Variants in CFH observed in about 807,000 individuals in gnomAD.
The protein encoded by CFH is H factor 1 (complement).
CFH carries 53 observed loss-of-function variants against 147.3 expected under a neutral mutation model. That is an observed-to-expected ratio of 0.36 (90% CI 0.29 to 0.45). CFH has a LOEUF of 0.45. Among genes scored for constraint, CFH ranks in the 20% least tolerant of loss-of-function variants. CFH has a pLI of 1.00. For missense variants in CFH, 1,380 were observed against 1,498.0 expected, an observed-to-expected ratio of 0.92 and a Z score of 1.30; for synonymous variants, 536 against 489.4, an observed-to-expected ratio of 1.10 and a Z score of -1.26.
At chr1:196,652,423 A>G (rs1323835574) in intron 1 of CFH, among the ~76,000 whole-genome samples, 1 of 151,916 alleles carries the variant, frequency 6.6e-6, no homozygotes, top group African/African-American at 2.4e-5. Context: ...AACATTTCTG[A>G]AAAACTATGA....
Position 196,656,122 on chromosome 1 carries a change from G to A in CFH, c.58+3947G>A, listed in dbSNP as rs540915143. Among the ~76,000 whole-genome samples, 12 of 152,164 alleles carry A rather than the reference G, an allele frequency of 7.9e-5. No homozygotes were observed. The South Asian group carries it at 2.5e-3, about 32-fold the overall frequency. The stretch of plus-strand genomic sequence containing the variant: ...AGTTCGAGACCAGCCTGACCAAAAT[G>A]GTGAAACCCCATCTCTACTAAAAAT... On this transcript the variant is annotated intron_variant, in intron 1 of 21. Coordinates refer to ENST00000367429, the MANE Select transcript of CFH (RefSeq NM_000186.4).
chr1:196,671,381 T>G (rs1366140552), intron 1 of CFH, among the ~76,000 whole-genome samples: 1 of 151,758 alleles, frequency 6.6e-6, no homozygotes, highest in African/African-American at 2.4e-5. Flanking sequence ...AACAAAAACA[T>G]GTAATGACAA....
intron 1 of CFH, among the ~76,000 whole-genome samples, chr1:196,664,832 A>G (rs1667026516): frequency 1.3e-5 from 2 of 152,160 alleles, no homozygotes; most frequent in African/African-American, 2.4e-5. Context: ...TAAATATTTC[A>G]CAAAATCTTT....
Position 196,728,422 on chromosome 1 carries a change from C to A in CFH, c.2313C>A (p.Phe771Leu). Residue 771 changes from phenylalanine to leucine, a missense_variant, in exon 15 of 22, where the codon TTC (phenylalanine) becomes TTA (leucine). Phe to Leu is a conservative substitution (Grantham distance 22). Transcript: ENST00000367429. ...LEEHLKNKKE[F>L]DHNSNIRYRC... ...AACATTTAAAAAACAAGAAGGAATTCGATCATAATTCTAACATAAGGTACA... is the reference window on the plus strand; with the variant it reads ...AACATTTAAAAAACAAGAAGGAATTAGATCATAATTCTAACATAAGGTACA... The A allele has an allele frequency of 1.2e-6, 2 of 1,608,310 alleles. No individual in the cohort carries two copies. Among genetic ancestry groups the A allele is most frequent in the Non-Finnish European group, 1.7e-6 (2 of 1,176,230 alleles).
chr1:196,717,247 A>G (rs1668891396), intron 11 of CFH, among the ~76,000 whole-genome samples: 1 of 152,108 alleles, frequency 6.6e-6, no homozygotes, highest in Non-Finnish European at 1.5e-5. Context: ...CAGCAAGTCT[A>G]TTTGAAGCTT....
At chr1:196,692,775 T>C (rs1668095701) in intron 9 of CFH, among the ~76,000 whole-genome samples, 1 of 88,372 alleles carries the variant, frequency 1.1e-5, no homozygotes, top group African/African-American at 4.4e-5. Flanking sequence ...TCTTTCTTTC[T>C]TTCTTTCTTT....
rs570129989 is a variant in CFH at position 196,732,803 on chromosome 1, T to G, written c.2414-4021T>G. Among the ~76,000 whole-genome samples, 251 of 152,208 alleles carry G rather than the reference T, an allele frequency of 1.6e-3. 1 individual carries two copies. Among genetic ancestry groups the G allele is most frequent in the African/African-American group, 5.8e-3 (241 of 41,562 alleles). ...GCTGAAAATATTGAAGACTTGGCTG[T>G]GTATTTACTTACTTCTATTTTCATA... is the stretch of plus-strand genomic sequence containing the variant. On this transcript the variant is annotated intron_variant, in intron 15 of 21. Transcript: ENST00000367429.
At chr1:196,740,572 T>C in intron 17 of CFH, 47 bp from the exon 18 acceptor site, 3 of 1,576,980 alleles carry the variant, frequency 1.9e-6, no homozygotes, top group Non-Finnish European at 2.6e-6. Flanking sequence ...GCATATAAAA[T>C]TAAATTTATG....
rs551313147 is a variant in CFH at position 196,671,587 on chromosome 1, T to TACACACACACAC, written c.59-1363_59-1352dup. On this transcript the variant is annotated intron_variant, in intron 1 of 21. Coordinates refer to ENST00000367429, the MANE Select transcript of CFH (RefSeq NM_000186.4). ...GGTTTCTTCTATCTCAAAAGACTAA[T>TACACACACACAC]ACACACACACACACACACACACACA... Among the ~76,000 whole-genome samples, 662 of 129,506 alleles carry TACACACACACAC rather than the reference T, an allele frequency of 5.1e-3. 5 individuals are homozygous for TACACACACACAC. The highest frequency in any genetic ancestry group is 0.015 in the African/African-American group (549 of 36,100). 85.0% of individuals were successfully genotyped at this position (129,506 alleles called of 152,430 possible).
intron 15 of CFH, among the ~76,000 whole-genome samples, chr1:196,732,547 C>T (rs1451122220): frequency 2.6e-5 from 4 of 151,958 alleles, no homozygotes; most frequent in Non-Finnish European, 5.9e-5. Flanking sequence ...TTCTTTAACT[C>T]ACAGTGTTTC....
At chr1:196,736,065 A>T (rs1669395256) in intron 15 of CFH, among the ~76,000 whole-genome samples, 1 of 152,006 alleles carries the variant, frequency 6.6e-6, no homozygotes, top group Non-Finnish European at 1.5e-5. Flanking sequence ...GACATGCTTC[A>T]TTTTCATATT....
intron 9 of CFH, chr1:196,701,344 A>G: frequency 6.2e-7 from 1 of 1,613,740 alleles, no homozygotes; most frequent in Non-Finnish European, 8.5e-7. Flanking sequence ...TTCTGATCGA[A>G]GGTCATCCCT....
chr1:196,705,156 A>G (rs1668555438), intron 9 of CFH, among the ~76,000 whole-genome samples: 1 of 152,176 alleles, frequency 6.6e-6, no homozygotes, highest in Non-Finnish European at 1.5e-5. Context: ...ATTAGAAGCC[A>G]GCACAACTAT....
intron 11 of CFH, among the ~76,000 whole-genome samples, chr1:196,724,861 G>C (rs1311465647): frequency 2.0e-5 from 3 of 152,186 alleles, no homozygotes; most frequent in African/African-American, 7.2e-5. Flanking sequence ...ATTAAAACTA[G>C]ATTCATTGTA....
intron 9 of CFH, among the ~76,000 whole-genome samples, chr1:196,691,914 C>A (rs895633953): frequency 2.0e-5 from 3 of 151,808 alleles, no homozygotes; most frequent in African/African-American, 7.3e-5. Flanking sequence ...TGATTTTATT[C>A]ATGATAATGG....
intron 9 of CFH, among the ~76,000 whole-genome samples, chr1:196,705,992 C>T (rs1167149355): frequency 2.6e-5 from 4 of 152,004 alleles, no homozygotes; most frequent in Non-Finnish European, 5.9e-5. Context: ...GACCAAAATT[C>T]CCTTTAAAAA....
In CFH at chr1:196,692,901, C is replaced by CCTTCCTT. The variant is rs80287404; in HGVS notation, c.1336+2663_1336+2664insTTCCTTC. ...CACCTCCCTCCCTCCCTCCCTCCCT[C>CCTTCCTT]CCTTCCTTCCTTCCTTCCTTCCTTC... On this transcript the variant is annotated intron_variant, in intron 9 of 21. Coordinates refer to ENST00000367429, the MANE Select transcript of CFH (RefSeq NM_000186.4). Among the ~76,000 whole-genome samples, 620 of 70,714 alleles carry CCTTCCTT rather than the reference C, an allele frequency of 8.8e-3. 51 individuals carry two copies. The highest frequency in any genetic ancestry group is 0.015 in the African/African-American group (207 of 13,564). 46.4% of individuals were successfully genotyped at this position (70,714 alleles called of 152,430 possible). A position where few individuals can be genotyped will look rare whatever the true frequency, so the allele number is the denominator to read the frequency against.
intron 1 of CFH, among the ~76,000 whole-genome samples, chr1:196,668,444 T>G (rs1667168490): frequency 1.3e-5 from 2 of 152,240 alleles, no homozygotes; most frequent in African/African-American, 4.8e-5. Flanking sequence ...ACTATTCTCC[T>G]GGAAAAAAAA....
intron 4 of CFH, among the ~76,000 whole-genome samples, chr1:196,676,745 A>G (rs1667471077): frequency 6.6e-6 from 1 of 152,140 alleles, no homozygotes; most frequent in Admixed American, 6.6e-5. Flanking sequence ...ACTGTCAACT[A>G]CAGAAAATAA....
Sources: gnomAD v4.1 joint callset for allele counts (sites outside exome capture counted in the v4.1 genomes callset) on GRCh38, gnomAD v4.1.1 for gene constraint, MANE v1.5 for transcripts, NCBI Gene and HGNC (gene_info 2026-07-23, HGNC 2026-07-21) for gene names.